Variants in FOLH1 observed in about 807,000 individuals in gnomAD.
The protein encoded by FOLH1 is folate hydrolase 1.
FOLH1 carries 54 observed loss-of-function variants against 93.9 expected under a neutral mutation model. The observed-to-expected ratio is 0.57, with a 90% CI of 0.46 to 0.72. The LOEUF (loss-of-function observed/expected upper bound fraction) is 0.72, where lower values mean the gene tolerates loss of function less well. Ranked by LOEUF, FOLH1 falls within the 30% of genes least tolerant of loss-of-function variation. FOLH1 has a pLI of 0.00. For synonymous variants in FOLH1, 249 were observed against 303.6 expected (o/e 0.82, Z 1.87); for missense variants, 571 against 892.5 (o/e 0.64, Z 4.59).
chr11:49,164,706 T>C lies in FOLH1; in HGVS notation c.1439A>G (p.Glu480Gly), dbSNP rs1858148948. 6.3e-7 allele frequency: 1 copy of C among 1,589,438 alleles called. No individual in the cohort carries two copies. Among genetic ancestry groups the C allele is most frequent in the Non-Finnish European group, 8.6e-7 (1 of 1,161,666 alleles). Residue 480 changes from glutamate (E) to glycine (G), a missense_variant and splice_region_variant, in exon 13 of 19, where the codon GAG becomes GGG. Glu to Gly is a moderately conservative substitution (Grantham distance 98). Around this residue, in one of 2 missense-constraint regions of FOLH1, gnomAD observed 500 missense variants for 822.9 expected, o/e 0.61. Coordinates refer to ENST00000256999, the MANE Select transcript of FOLH1 (RefSeq NM_004476.3). ...CTTAAATTATATGTAATTATATACC[T>C]CTTTTGTTAGGTTGTGTACCAAGCT... ...MYSLVHNLTK[E>G]LKSPDEGFEG...
chr11:49,198,476 C>T (rs1047797791), intron 3 of FOLH1, among the ~76,000 whole-genome samples: 5 of 139,194 alleles, frequency 3.6e-5, no homozygotes, highest in Non-Finnish European at 6.1e-5. Flanking sequence ...AGCGAGACTC[C>T]GTCTCAAAAA....
chr11:49,206,058 T>C lies in FOLH1; in HGVS notation c.224+9A>G. 1.9e-6 allele frequency: 3 copies of C among 1,607,126 alleles called. No homozygotes were observed. Among genetic ancestry groups the C allele is most frequent in the Non-Finnish European group, 2.5e-6 (3 of 1,176,980 alleles). The stretch of plus-strand genomic sequence containing the variant: ...ACTTGTCCATATAAACTTTCGAGGA[T>C]GTACTTACTATAAGAACTTCTTGAT... On this transcript the variant is annotated intron_variant, in intron 2 of 18. Transcript: ENST00000256999.
At chr11:49,151,398 G>A (rs1196706236) in intron 17 of FOLH1, among the ~76,000 whole-genome samples, 3 of 151,048 alleles carry the variant, frequency 2.0e-5, no homozygotes, top group Admixed American at 1.3e-4. Context: ...ACGTAAATGC[G>A]CGCGTGCGCG....
intron 12 of FOLH1, among the ~76,000 whole-genome samples, chr11:49,166,026 A>G (rs1329657570): frequency 1.3e-5 from 2 of 152,230 alleles, no homozygotes; most frequent in Admixed American, 6.5e-5. Context: ...GCATGCAAAT[A>G]AAATAATATT....
chr11:49,177,211 CCT>C (rs1248416458), intron 7 of FOLH1, among the ~76,000 whole-genome samples: 7 of 152,166 alleles, frequency 4.6e-5, no homozygotes, highest in Non-Finnish European at 1.0e-4. Context: ...GTAAATAATT[CCT>C]CTCTCTTTTC....
At chr11:49,184,252 T>G (rs538675252) in intron 6 of FOLH1, among the ~76,000 whole-genome samples, 1 of 152,186 alleles carries the variant, frequency 6.6e-6, no homozygotes, top group Non-Finnish European at 1.5e-5. Context: ...TGACAACATG[T>G]TGATGACTGT....
At chr11:49,158,961 G>A (rs2134952025) in intron 13 of FOLH1, among the ~76,000 whole-genome samples, 1 of 152,210 alleles carries the variant, frequency 6.6e-6, no homozygotes, top group South Asian at 2.1e-4. Context: ...AGGAATGCTA[G>A]CAATTTTTGT....
intron 4 of FOLH1, among the ~76,000 whole-genome samples, chr11:49,191,124 G>A (rs188218685): frequency 4.6e-5 from 7 of 152,260 alleles, no homozygotes; most frequent in Admixed American, 1.3e-4. Context: ...CCATTCTCCT[G>A]CCTCAGCCTC....
chr11:49,180,547 A>G (rs914221637), intron 7 of FOLH1, among the ~76,000 whole-genome samples: 1 of 152,176 alleles, frequency 6.6e-6, no homozygotes, highest in African/African-American at 2.4e-5. Flanking sequence ...CACATTTATT[A>G]ATAAACTTTT....
chr11:49,154,719 A>C (rs1856829863), intron 15 of FOLH1, among the ~76,000 whole-genome samples: 1 of 152,082 alleles, frequency 6.6e-6, no homozygotes. Context: ...ATTATTTAAA[A>C]ATTATTTGAA....
At chr11:49,182,503 T>G (rs1408268188) in intron 7 of FOLH1, among the ~76,000 whole-genome samples, 1 of 151,764 alleles carries the variant, frequency 6.6e-6, no homozygotes, top group Non-Finnish European at 1.5e-5. Context: ...AAAAACAAAA[T>G]GGAAGTTGCT....
chr11:49,185,763 A>C lies in FOLH1; in HGVS notation c.732T>G (p.Asp244Glu), dbSNP rs182169. The change falls in exon 6 of 19, where the codon GAT becomes GAG. Residue 244 changes from aspartate to glutamate, a missense_variant. Asp to Glu is a conservative substitution (Grantham distance 45). Transcript: ENST00000256999. ...YFAPGVKSYPDGWNLPGGGVQ... is the reference protein window; with the variant it reads ...YFAPGVKSYPEGWNLPGGGVQ... ...CACCACCTCCAGGAAGATTCCAACCATCTGGATAGGACTTCACCCCAGGAG... is the reference window on the plus strand; with the variant it reads ...CACCACCTCCAGGAAGATTCCAACCCTCTGGATAGGACTTCACCCCAGGAG... 6.2e-6 allele frequency: 10 copies of C among 1,609,082 alleles called. No homozygotes were observed. The South Asian group carries it at 1.0e-4, about 16-fold the overall frequency.
chr11:49,188,297 T>C (rs1861640520), intron 4 of FOLH1, among the ~76,000 whole-genome samples: 1 of 151,910 alleles, frequency 6.6e-6, no homozygotes, highest in Admixed American at 6.6e-5. Flanking sequence ...GGTGGATCAC[T>C]TGAGGTTGGG....
At chr11:49,163,924 TG>T (rs1858064326) in intron 13 of FOLH1, among the ~76,000 whole-genome samples, 1 of 152,160 alleles carries the variant, frequency 6.6e-6, no homozygotes, top group African/African-American at 2.4e-5. Flanking sequence ...ATCATTTTCC[TG>T]GGTGGGGGAG....
chr11:49,157,788 A>C, intron 14 of FOLH1, among the ~76,000 whole-genome samples, 164 bp downstream of exon 14: 1 of 152,090 alleles, frequency 6.6e-6, no homozygotes, highest in East Asian at 1.9e-4. Context: ...TAACTACAAA[A>C]CACATAGTAA....
chr11:49,186,732 T>G lies in FOLH1; in HGVS notation c.551A>C (p.Asp184Ala), dbSNP rs765257997. ...LVYVNYARTE[D>A]FFKLERDMKI... ...CATGTCCCGTTCCAATTTAAAGAAG[T>G]CTTCAGTTCGTGCATAGTTAACATA... Residue 184 changes from aspartate to alanine, a missense_variant, in exon 5 of 19, where the codon GAC becomes GCC. This residue lies in a region of FOLH1 where 500 missense variants were observed against 822.9 expected (regional missense o/e 0.61). Coordinates refer to ENST00000256999, the MANE Select transcript of FOLH1 (RefSeq NM_004476.3). 10 of 1,613,140 alleles carry G rather than the reference T, an allele frequency of 6.2e-6. No individual in the cohort carries two copies. Among genetic ancestry groups the G allele is most frequent in the Non-Finnish European group, 6.8e-6 (8 of 1,179,592 alleles).
chr11:49,183,086 C>T (rs1247276998), intron 7 of FOLH1, 63 bp downstream of exon 7: 8 of 1,417,666 alleles, frequency 5.6e-6, no homozygotes, highest in East Asian at 4.6e-5. Flanking sequence ...AAAAGCCTAA[C>T]ATTTGAAAAC....
In FOLH1 at chr11:49,148,525, T is replaced by C. The variant is rs192684903; in HGVS notation, c.2063+114A>G. 9.5e-5 allele frequency: 73 copies of C among 767,646 alleles called. No homozygotes were observed. In the African/African-American group the frequency reaches 1.1e-3, roughly 12 times the overall value. The allele number at this position is 767,646 out of a possible 1,614,324, so 47.6% of individuals were successfully genotyped here. On this transcript the variant is annotated intron_variant, in intron 18 of 18. Transcript: ENST00000256999. ...ATCACTTACTACATATATTTTGAAA[T>C]TTTCTATTTGCTTGCAAGAAATCAA...
At chr11:49,151,895 T>C (rs1239709197) in intron 17 of FOLH1, among the ~76,000 whole-genome samples, 1 of 152,148 alleles carries the variant, frequency 6.6e-6, no homozygotes, top group Non-Finnish European at 1.5e-5. Flanking sequence ...TTGACTTTTT[T>C]ACTCACATAT....
Sources: allele counts gnomAD v4.1 joint callset (sites outside exome capture counted in the v4.1 genomes callset), GRCh38; gene constraint gnomAD v4.1.1; regional missense constraint gnomAD v4.1.1; transcripts MANE v1.5; gene names NCBI Gene and HGNC (gene_info 2026-07-23, HGNC 2026-07-21).